The following MAGEB1 variants were observed in gnomAD, a reference collection of about 807,000 sequenced individuals.
The protein encoded by MAGEB1 is MAGE family member B1.
For missense variants in MAGEB1, 290 were observed against 286.7 expected (o/e 1.01, Z -0.08); for synonymous variants, 99 against 105.7 (o/e 0.94, Z 0.39).
At chrX:30,247,832 T>C (rs1387844671) in intron 1 of MAGEB1, among the ~76,000 whole-genome samples, 1 of 107,530 alleles carries the variant, frequency 9.3e-6, no homozygotes, top group Non-Finnish European at 1.9e-5. Flanking sequence ...TAGTCCCAGC[T>C]ACTCAGGAGG....
chrX:30,250,337 A>C (rs1472998082), intron 1 of MAGEB1, 97 bp from the exon 2 acceptor site: 1 of 476,619 alleles, frequency 2.1e-6, no homozygotes, highest in Non-Finnish European at 3.5e-6. Context: ...TTCCTAGAGC[A>C]ATGCCCTCAA....
chrX:30,249,354 G>C (rs1288885433), intron 1 of MAGEB1, among the ~76,000 whole-genome samples: 3 of 111,733 alleles, frequency 2.7e-5, no homozygotes, highest in Non-Finnish European at 5.7e-5. Context: ...AGGCCTCATA[G>C]AGAGGACTTG....
chrX:30,249,880 C>T (rs1460716055), intron 1 of MAGEB1, among the ~76,000 whole-genome samples: 1 of 111,400 alleles, frequency 9.0e-6, no homozygotes, highest in Non-Finnish European at 1.9e-5. Context: ...AGGCCTTGGC[C>T]AAGGGTTGCC....
upstream of MAGEB1, among the ~76,000 whole-genome samples, chrX:30,244,915 C>A (rs971709985): frequency 1.8e-5 from 2 of 111,942 alleles, no homozygotes; most frequent in East Asian, 5.6e-4. Context: ...AGGTGATACT[C>A]CTTTAAGACT....
upstream of MAGEB1, among the ~76,000 whole-genome samples, chrX:30,246,737 G>C (rs886904038): frequency 1.6e-4 from 18 of 112,217 alleles, no homozygotes; most frequent in Non-Finnish European, 5.6e-5. Flanking sequence ...TCTCATTTCC[G>C]CCTGGAAGGT....
At chrX:30,247,406 G>C (rs1925355712) in intron 1 of MAGEB1, 150 bp downstream of exon 1, 1 of 112,591 alleles carries the variant, frequency 8.9e-6, no homozygotes, top group African/African-American at 3.2e-5. Flanking sequence ...ACCCGAGCGA[G>C]CTTAAGGAGT....
At chrX:30,246,820 C>G (rs933246327), upstream of MAGEB1, among the ~76,000 whole-genome samples, 3 of 111,610 alleles carry the variant, frequency 2.7e-5, no homozygotes, top group Non-Finnish European at 5.7e-5. Context: ...ACCAGAGTCA[C>G]GGTGAGGACT....
Position 30,251,784 on chromosome X carries a change from C to A in MAGEB1, c.*247C>A. On this transcript the variant is annotated 3_prime_UTR_variant, in exon 2 of 2. Coordinates refer to ENST00000397548, the MANE Select transcript of MAGEB1 (RefSeq NM_177404.3). The stretch of plus-strand genomic sequence containing the variant: ...CTTTAAGCATATGAGTTTTGATATT[C>A]TATATTTTTCAAATCCTTGAATCTT... 3.2e-6 allele frequency: 1 copy of A among 315,772 alleles called. No homozygotes were observed. The highest frequency in any genetic ancestry group is 5.7e-6 in the Non-Finnish European group (1 of 175,480). 26.0% of individuals were successfully genotyped at this position (315,772 alleles called of 1,213,427 possible).
At position 30,251,260 on chromosome X, in the gene MAGEB1, A is replaced by C. The variant is rs777848604; in HGVS notation, c.767A>C (p.Lys256Thr). 2.6e-5 allele frequency: 31 copies of C among 1,210,535 alleles called. No individual in the cohort carries two copies. Among genetic ancestry groups the C allele is most frequent in the Middle Eastern group, 4.6e-4 (2 of 4,375 alleles). The part of the protein sequence containing the change: ...TQDLVQEKYL[K>T]YEQVPNSDPP... Reference sequence around the variant, plus strand: ...GATCTGGTGCAGGAAAAATATCTGAAGTACGAGCAGGTGCCCAACAGTGAT... The same window carrying C: ...GATCTGGTGCAGGAAAAATATCTGACGTACGAGCAGGTGCCCAACAGTGAT... The change falls in exon 2 of 2, where the codon AAG becomes ACG. Residue 256 changes from lysine to threonine, a missense_variant. Transcript: ENST00000397548.
chrX:30,248,320 T>G (rs1925397751), intron 1 of MAGEB1, among the ~76,000 whole-genome samples: 3 of 111,708 alleles, frequency 2.7e-5, no homozygotes, highest in African/African-American at 3.3e-5. Context: ...AGTAGAGAGA[T>G]AGGAGTCATA....
chrX:30,244,588 G>A (rs1188784484), upstream of MAGEB1, among the ~76,000 whole-genome samples: 1 of 111,979 alleles, frequency 8.9e-6, no homozygotes, highest in East Asian at 2.8e-4. Flanking sequence ...AATGTCCTAA[G>A]CAAGGTAACT....
In MAGEB1 at chrX:30,249,604, AC is replaced by A. The variant is rs761641782; in HGVS notation, c.-60-828del. 3.0e-3 allele frequency among the ~76,000 whole-genome samples: 333 copies of A among 111,861 alleles called. 2 individuals carry two copies. Among genetic ancestry groups the A allele is most frequent in the Non-Finnish European group, 4.8e-3 (257 of 53,075 alleles). On this transcript the variant is annotated intron_variant, in intron 1 of 1. Transcript: ENST00000397548. ...TGGGGCTACACATCACAGGGCTTCA[AC>A]CTGCCAGCCACAGCTTTCAGCCTCT...
At chrX:30,246,932 A>G (rs982296036), upstream of MAGEB1, among the ~76,000 whole-genome samples, 1 of 112,408 alleles carries the variant, frequency 8.9e-6, no homozygotes, top group African/African-American at 3.2e-5. Context: ...CCTGTGTGGC[A>G]CGCTCAGATT....
intron 1 of MAGEB1, 25 bp from the exon 2 acceptor site, chrX:30,250,409 C>T: frequency 1.2e-6 from 1 of 824,104 alleles, no homozygotes; most frequent in African/African-American, 2.1e-5. Flanking sequence ...CAAGTACTCA[C>T]AGGATCTCAT....
In MAGEB1 at chrX:30,248,124, C is replaced by T. The variant is rs144155234; in HGVS notation, c.-61+868C>T. 2.6e-3 allele frequency among the ~76,000 whole-genome samples: 291 copies of T among 110,152 alleles called. 2 individuals are homozygous for T. The highest frequency in any genetic ancestry group is 0.014 in the Middle Eastern group (3 of 218). On this transcript the variant is annotated intron_variant, in intron 1 of 1. Coordinates refer to ENST00000397548, the MANE Select transcript of MAGEB1 (RefSeq NM_177404.3). ...GATGGGTGGAGTCCCAGAAAGAGTGCTGAGTGGAGGTGGAGACACTGAGTG... is the reference window on the plus strand; with the variant it reads ...GATGGGTGGAGTCCCAGAAAGAGTGTTGAGTGGAGGTGGAGACACTGAGTG...
At chrX:30,247,277 C>T (rs1419166938) in intron 1 of MAGEB1, 21 bp downstream of exon 1, 1 of 111,107 alleles carries the variant, frequency 9.0e-6, no homozygotes, top group Non-Finnish European at 1.9e-5. Context: ...CTAGTGGGGA[C>T]GTAGGGACCA....
intron 1 of MAGEB1, among the ~76,000 whole-genome samples, chrX:30,248,705 A>G (rs973321848): frequency 9.0e-6 from 1 of 111,391 alleles, no homozygotes; most frequent in African/African-American, 3.3e-5. Context: ...ATCTCAGGGA[A>G]GTGGGGAACT....
rs1373275924 is a variant in MAGEB1, at chrX:30,251,078, T to A, written c.585T>A (p.Phe195Leu). Residue 195 changes from phenylalanine (F) to leucine (L), a missense_variant, in exon 2 of 2, where the codon TTT (phenylalanine) becomes TTA (leucine). Transcript: ENST00000397548. ...NDGNLSNDWD[F>L]PRNGLLMPLL... ...GAAACCTGAGCAATGATTGGGACTT[T>A]CCCAGGAATGGGCTTCTGATGCCTC... 1 of 1,210,740 alleles carries A rather than the reference T, an allele frequency of 8.3e-7. No homozygotes were observed. Among genetic ancestry groups the A allele is most frequent in the Non-Finnish European group, 1.1e-6 (1 of 894,885 alleles).
chrX:30,248,556 C>T (rs1030521513), intron 1 of MAGEB1, among the ~76,000 whole-genome samples: 4 of 111,410 alleles, frequency 3.6e-5, no homozygotes, highest in African/African-American at 1.3e-4. Flanking sequence ...GGCCCAGTTC[C>T]TAAAAGATGG....
Sources: allele counts gnomAD v4.1 joint callset (sites outside exome capture counted in the v4.1 genomes callset), GRCh38; gene constraint gnomAD v4.1.1; transcripts MANE v1.5; gene names NCBI Gene and HGNC (gene_info 2026-07-23, HGNC 2026-07-21).